Variants in RUNX3 observed in about 807,000 individuals in gnomAD.
RUNX3 encodes the protein RUNX family transcription factor 3.
RUNX3 carries 10 observed loss-of-function variants against 27.7 expected under a neutral mutation model. That is an observed-to-expected ratio of 0.36 (90% confidence interval 0.22 to 0.61). The LOEUF is 0.61. Among genes scored for constraint, RUNX3 ranks in the 20% least tolerant of loss-of-function variants. The pLI is 0.72. For missense variants in RUNX3, 469 were observed against 629.5 expected (o/e 0.75, Z 2.73); for synonymous variants, 270 against 269.2 (o/e 1.00, Z -0.03).
upstream of RUNX3, among the ~76,000 whole-genome samples, chr1:24,934,053 G>T (rs895978429): frequency 2.0e-5 from 3 of 152,182 alleles, no homozygotes; most frequent in Admixed American, 1.3e-4. Flanking sequence ...CCATTTCACG[G>T]GAGGGGGATT....
At chr1:24,921,936 A>C (rs1175617203) in intron 2 of RUNX3, among the ~76,000 whole-genome samples, 1 of 152,084 alleles carries the variant, frequency 6.6e-6, no homozygotes, top group Non-Finnish European at 1.5e-5. Context: ...ACTTTATCTG[A>C]AGTAGGCATT....
chr1:24,934,895 T>C (rs4648884), upstream of RUNX3, among the ~76,000 whole-genome samples: 80,376 of 151,918 alleles, frequency 0.53, 21,523 homozygotes, highest in South Asian at 0.59. Context: ...TGGAAATCAG[T>C]AAACTCTTCA....
chr1:24,902,172 C>A lies in RUNX3; in HGVS notation c.1198G>T (p.Ala400Ser). The change falls in exon 5 of 5, where the codon GCC becomes TCC. Residue 400 changes from alanine to serine, a missense_variant. Ala to Ser is a moderately conservative substitution (Grantham distance 99). Coordinates refer to ENST00000308873, the MANE Select transcript of RUNX3 (RefSeq NM_004350.3). This position sits in a 1 kb window ranked among gnomAD's most constrained non-coding sequence, Gnocchi z 9.2. Reference protein sequence around the residue: ...ADGSHSNSPTALSTPGRMDEA... With the variant: ...ADGSHSNSPTSLSTPGRMDEA... ...TCCATGCGGCCTGGCGTGCTCAGGG[C>A]CGTGGGTGAGTTGCTGTGGCTGCCG... 1 of 1,571,688 alleles carries A rather than the reference C, an allele frequency of 6.4e-7. No individual in the cohort carries two copies. The highest frequency in any genetic ancestry group is 1.2e-5 in the South Asian group (1 of 85,878).
Position 24,916,239 on chromosome 1 carries a change from T to A in RUNX3, c.544+3001A>T, listed in dbSNP as rs12142264. Among the ~76,000 whole-genome samples the A allele has an allele frequency of 6.6e-6, 1 of 152,148 alleles. No homozygotes were observed. The highest frequency in any genetic ancestry group is 2.4e-5 in the African/African-American group (1 of 41,406). On this transcript the variant is annotated intron_variant, in intron 3 of 4. Transcript: ENST00000308873. This position sits in a 1 kb window ranked among gnomAD's most constrained non-coding sequence, Gnocchi z 4.8. ...GGAGCACAAAAGGCCTGTAACAACC[T>A]GTGAAGGTTGTGGGGGCACTTCCTG...
chr1:24,963,675 G>C (rs1642178296), intron 2 of RUNX3, among the ~76,000 whole-genome samples: 1 of 152,154 alleles, frequency 6.6e-6, no homozygotes, highest in South Asian at 2.1e-4. Context: ...GCCCCATCTG[G>C]GCTCCTGCTA....
At position 24,906,039 on chromosome 1, in the gene RUNX3, C is replaced by T. The variant is rs187549814; in HGVS notation, c.703+1220G>A. Reference sequence around the variant, plus strand: ...AAGGCCAAAAGTCCTGAGCCCAGGCCAGAAGGGGAGGGGTCCTCTCTTCAC... The same window carrying T: ...AAGGCCAAAAGTCCTGAGCCCAGGCTAGAAGGGGAGGGGTCCTCTCTTCAC... On this transcript the variant is annotated intron_variant, in intron 4 of 4. Coordinates refer to ENST00000308873, the MANE Select transcript of RUNX3 (RefSeq NM_004350.3). Among the ~76,000 whole-genome samples, 647 of 152,358 alleles carry T rather than the reference C, an allele frequency of 4.2e-3. 4 individuals carry two copies. Among genetic ancestry groups the T allele is most frequent in the African/African-American group, 0.015 (603 of 41,584 alleles).
chr1:24,912,790 A>C (rs1250545929), intron 3 of RUNX3, among the ~76,000 whole-genome samples: 2 of 151,708 alleles, frequency 1.3e-5, no homozygotes, highest in East Asian at 2.0e-4. Context: ...AGCCTGTGAA[A>C]ACACATCTAT....
At position 24,901,015 on chromosome 1, in the gene RUNX3, TTG is replaced by T. The variant is rs1203520693; in HGVS notation, c.*1105_*1106del. On this transcript the variant is annotated 3_prime_UTR_variant, in exon 5 of 5. Coordinates refer to ENST00000308873, the MANE Select transcript of RUNX3 (RefSeq NM_004350.3). ...TCTAAAATCAGTTTTAAAAACTGTTTTGTTTTTTTTTTGTTTTTTTGTTTTTT... is the reference window on the plus strand; with the variant it reads ...TCTAAAATCAGTTTTAAAAACTGTTTTTTTTTTTTTGTTTTTTTGTTTTTT... 90 of 150,316 alleles carry T rather than the reference TTG, an allele frequency of 6.0e-4. 1 individual carries two copies. Among genetic ancestry groups the T allele is most frequent in the African/African-American group, 2.1e-3 (84 of 39,876 alleles). 9.3% of individuals were successfully genotyped at this position (150,316 alleles called of 1,614,324 possible). A position where few individuals can be genotyped will look rare whatever the true frequency, so the allele number is the denominator to read the frequency against.
At position 24,904,832 on chromosome 1, in the gene RUNX3, C is replaced by A. The variant is rs1004779239; in HGVS notation, c.704-2166G>T. ...CCTGCCCTCAGCACTCCCTCAGACC[C>A]CCCAGCAGCTTCCTTGGAGCTCCTG... On this transcript the variant is annotated intron_variant, in intron 4 of 4. Transcript: ENST00000308873. The surrounding 1 kb of genome is among the most constrained non-coding windows in gnomAD (Gnocchi z 5.7). Among the ~76,000 whole-genome samples, 1 of 152,176 alleles carries A rather than the reference C, an allele frequency of 6.6e-6. No homozygotes were observed. Among genetic ancestry groups the A allele is most frequent in the Non-Finnish European group, 1.5e-5 (1 of 68,020 alleles).
At chr1:24,946,587 T>C (rs556413171) in intron 2 of RUNX3, among the ~76,000 whole-genome samples, 2 of 152,170 alleles carry the variant, frequency 1.3e-5, no homozygotes, top group Non-Finnish European at 2.9e-5. Context: ...CCCCTACTCA[T>C]GGACCACCAT....
At chr1:24,922,553 T>C (rs1641019669) in intron 2 of RUNX3, among the ~76,000 whole-genome samples, 2 of 152,176 alleles carry the variant, frequency 1.3e-5, no homozygotes. Flanking sequence ...TAAATATCTT[T>C]TATGCTCATC....
At chr1:24,918,627 C>T (rs1640935345) in intron 3 of RUNX3, among the ~76,000 whole-genome samples, 1 of 152,114 alleles carries the variant, frequency 6.6e-6, no homozygotes, top group South Asian at 2.1e-4. Flanking sequence ...ATTCTGTGGA[C>T]ACAGAGCCTC....
chr1:24,952,289 G>A (rs1641785913), intron 2 of RUNX3, among the ~76,000 whole-genome samples: 1 of 152,144 alleles, frequency 6.6e-6, no homozygotes, highest in African/African-American at 2.4e-5. Flanking sequence ...TTTTCCAAAA[G>A]TGGACTTTGC....
intron 2 of RUNX3, among the ~76,000 whole-genome samples, chr1:24,936,321 A>C (rs150043064): frequency 1.3e-3 from 199 of 152,312 alleles, no homozygotes; most frequent in Middle Eastern, 0.01. Flanking sequence ...AACTTGTCCA[A>C]GTTGGCACCA....
At position 24,927,487 on chromosome 1, in the gene RUNX3, G is replaced by A. The variant is rs1176454350; in HGVS notation, c.439+87C>T. On this transcript the variant is annotated intron_variant, in intron 2 of 4. Transcript: ENST00000308873. This position sits in a 1 kb window ranked among gnomAD's most constrained non-coding sequence, Gnocchi z 5.0. The stretch of plus-strand genomic sequence containing the variant: ...AGCTGCATCTGGAGACCTGTTTTTC[G>A]GGATTCTAAGGCCCCTCTTTCAACC... The A allele has an allele frequency of 2.9e-5, 39 of 1,330,116 alleles. No homozygotes were observed. The highest frequency in any genetic ancestry group is 4.4e-5 in the African/African-American group (3 of 68,866). 82.4% of individuals were successfully genotyped at this position (1,330,116 alleles called of 1,614,324 possible). A position where few individuals can be genotyped will look rare whatever the true frequency, so the allele number is the denominator to read the frequency against.
At chr1:24,931,455 G>C (rs566566507), upstream of RUNX3, among the ~76,000 whole-genome samples, 1 of 152,172 alleles carries the variant, frequency 6.6e-6, no homozygotes, top group Non-Finnish European at 1.5e-5. Context: ...ACAGTTGGGA[G>C]GGCAACGGGA....
intron 2 of RUNX3, among the ~76,000 whole-genome samples, chr1:24,942,930 G>A (rs1641513654): frequency 6.6e-6 from 1 of 152,234 alleles, no homozygotes; most frequent in East Asian, 1.9e-4. Context: ...CCACTGTGGA[G>A]CCAGCCCGTG....
intron 2 of RUNX3, among the ~76,000 whole-genome samples, chr1:24,960,771 G>T (rs559250657): frequency 5.9e-5 from 9 of 152,294 alleles, no homozygotes; most frequent in African/African-American, 2.2e-4. Context: ...GGGGTCCTCA[G>T]GGCCATTGGC....
chr1:24,900,190 C>T lies in RUNX3; in HGVS notation c.*1932G>A, dbSNP rs1006794732. ...GAGAGGCCCCTTGGGTGCAGGGAGT[C>T]AGCAACTATTTTGAGGAGATGGAGA... On this transcript the variant is annotated 3_prime_UTR_variant, in exon 5 of 5. Transcript: ENST00000308873. The T allele has an allele frequency of 2.0e-5, 3 of 152,342 alleles. No homozygotes were observed. Among genetic ancestry groups the T allele is most frequent in the African/African-American group, 2.4e-5 (1 of 41,432 alleles). The allele number at this position is 152,342 out of a possible 1,614,324, so 9.4% of individuals were successfully genotyped here. A position where few individuals can be genotyped will look rare whatever the true frequency, so the allele number is the denominator to read the frequency against.
Sources: gnomAD v4.1 joint callset for allele counts (sites outside exome capture counted in the v4.1 genomes callset) on GRCh38, gnomAD v4.1.1 for gene constraint, Gnocchi (gnomAD v3.1) non-coding constraint, MANE v1.5 for transcripts, NCBI Gene and HGNC (gene_info 2026-07-23, HGNC 2026-07-21) for gene names.